Variants in EIF2AK4 observed in about 807,000 individuals in gnomAD.
EIF2AK4 encodes the protein eIF-2-alpha kinase GCN2.
In EIF2AK4, 139 loss-of-function variants were observed where a neutral mutation model predicts 211.1. The ratio of observed to expected loss-of-function variants is 0.66; its 90% CI spans 0.57 to 0.76. EIF2AK4 has a LOEUF of 0.76. EIF2AK4 is among the 30% of genes least tolerant of loss of function. The pLI, the probability that EIF2AK4 is intolerant of heterozygous loss-of-function variation, is 0.00. For missense variants in EIF2AK4, 1,664 were observed against 2,043.8 expected, an observed-to-expected ratio of 0.81 and a Z score of 3.58; for synonymous variants, 710 against 751.3, an observed-to-expected ratio of 0.94 and a Z score of 0.90.
intron 11 of EIF2AK4, chr15:39,974,967 C>G (rs995184619): frequency 6.6e-6 from 1 of 152,192 alleles, no homozygotes; most frequent in Non-Finnish European, 1.5e-5. Flanking sequence ...AAGCTTTACT[C>G]CCAACCCAGT....
At chr15:40,018,997 G>A (rs1595432858) in intron 29 of EIF2AK4, 96 bp from the exon 30 acceptor site, 2 of 865,346 alleles carry the variant, frequency 2.3e-6, no homozygotes, top group Non-Finnish European at 3.6e-6. Context: ...TTGATGATGA[G>A]CTGCTGACAG....
intron 18 of EIF2AK4, among the ~76,000 whole-genome samples, chr15:39,993,253 G>A (rs938969134): frequency 2.6e-5 from 4 of 152,072 alleles, no homozygotes; most frequent in Non-Finnish European, 5.9e-5. Context: ...TCCAAAGAAT[G>A]TGCAAACCAA....
intron 29 of EIF2AK4, among the ~76,000 whole-genome samples, chr15:40,017,551 A>G (rs11070244): frequency 0.77 from 67,558 of 87,878 alleles, 25,269 homozygotes; most frequent in Middle Eastern, 0.81. Flanking sequence ...ATATATATAT[A>G]TATGTATTTT....
Position 40,035,406 on chromosome 15 carries a change from G to T in EIF2AK4, c.*322G>T. The T allele has an allele frequency of 5.6e-6, 1 of 177,694 alleles. No individual in the cohort carries two copies. The highest frequency in any genetic ancestry group is 1.2e-5 in the Non-Finnish European group (1 of 86,134). 11.0% of individuals were successfully genotyped at this position (177,694 alleles called of 1,614,324 possible). On this transcript the variant is annotated 3_prime_UTR_variant, in exon 39 of 39. Transcript: ENST00000263791. ...ATCTGAGCCTCAGGAGGTTGAGGCTGCAGTGAGCTGTGACTGCGCCACTGC... is the reference window on the plus strand; with the variant it reads ...ATCTGAGCCTCAGGAGGTTGAGGCTTCAGTGAGCTGTGACTGCGCCACTGC...
chr15:39,998,269 T>G (rs12437712), intron 19 of EIF2AK4, among the ~76,000 whole-genome samples: 2,921 of 118,372 alleles, frequency 0.025, 50 homozygotes, highest in African/African-American at 0.035. Flanking sequence ...TTTTTTTTTT[T>G]GTTTTGTTTT....
At chr15:40,011,572 G>C (rs1480354671) in intron 27 of EIF2AK4, among the ~76,000 whole-genome samples, 1 of 152,122 alleles carries the variant, frequency 6.6e-6, no homozygotes, top group African/African-American at 2.4e-5. Flanking sequence ...TTCTTGATAC[G>C]CTGTAATCAT....
At chr15:40,007,963 A>G (rs1028296724) in intron 24 of EIF2AK4, 64 bp from the exon 25 acceptor site, 2 of 1,259,206 alleles carry the variant, frequency 1.6e-6, no homozygotes, top group African/African-American at 3.1e-5. Context: ...CTTGTTCAAC[A>G]ATTTCTTATA....
At chr15:40,017,504 TATATATATATATATATATATATATA>T (rs2035320948) in intron 29 of EIF2AK4, among the ~76,000 whole-genome samples, 4 of 81,070 alleles carry the variant, frequency 4.9e-5, no homozygotes, top group South Asian at 3.7e-4. Context: ...TCTGTTTCTA[TATATATATATATATATATATATATA>T]TATATATATA....
At chr15:39,941,569 TATA>T (rs2034145272) in intron 2 of EIF2AK4, among the ~76,000 whole-genome samples, 1 of 152,228 alleles carries the variant, frequency 6.6e-6, no homozygotes, top group African/African-American at 2.4e-5. Flanking sequence ...GTATAAGTGC[TATA>T]ATGTTATATA....
intron 22 of EIF2AK4, 34 bp from the exon 23 acceptor site, chr15:40,003,159 C>T (rs748158962): frequency 6.2e-7 from 1 of 1,610,340 alleles, no homozygotes; most frequent in Admixed American, 1.7e-5. Flanking sequence ...GAATGTGAAC[C>T]TGATGATGAG....
At chr15:40,005,775 A>G (rs1003829501) in intron 23 of EIF2AK4, among the ~76,000 whole-genome samples, 7 of 151,940 alleles carry the variant, frequency 4.6e-5, no homozygotes, top group Admixed American at 2.6e-4. Context: ...GTTTCACTGT[A>G]TTAGCAAGGA....
At position 39,967,758 on chromosome 15, in the gene EIF2AK4, A is replaced by C. The variant is rs539530164; in HGVS notation, c.1432A>C (p.Lys478Gln). The C allele has an allele frequency of 1.2e-6, 2 of 1,614,188 alleles. No individual in the cohort carries two copies. The highest frequency in any genetic ancestry group is 4.5e-5 in the East Asian group (2 of 44,888). The change falls in exon 9 of 39, where the codon AAA (lysine) becomes CAA (glutamine). Residue 478 changes from lysine to glutamine, a missense_variant. Transcript: ENST00000263791. ...DNALPYKTGKKGDVWRLGLLL... is the reference protein window; with the variant it reads ...DNALPYKTGKQGDVWRLGLLL... Reference sequence around the variant, plus strand: ...TGCTCTGCCTTATAAAACGGGGAAGAAAGGAGATGTTTGGCGTCTTGGCCT... The same window carrying C: ...TGCTCTGCCTTATAAAACGGGGAAGCAAGGAGATGTTTGGCGTCTTGGCCT...
intron 4 of EIF2AK4, among the ~76,000 whole-genome samples, chr15:39,953,516 G>T (rs539543467): frequency 2.6e-4 from 39 of 152,284 alleles, no homozygotes; most frequent in African/African-American, 7.9e-4. Context: ...AGCTGACCGG[G>T]ACCCCCATGG....
At chr15:39,957,463 C>G (rs997082184) in intron 6 of EIF2AK4, among the ~76,000 whole-genome samples, 1 of 152,120 alleles carries the variant, frequency 6.6e-6, no homozygotes, top group African/African-American at 2.4e-5. Context: ...GCTTGCTGAG[C>G]CCCTCCTTCT....
At chr15:39,935,738 C>G (rs1425769970) in intron 1 of EIF2AK4, among the ~76,000 whole-genome samples, 1 of 152,214 alleles carries the variant, frequency 6.6e-6, no homozygotes, top group Non-Finnish European at 1.5e-5. Context: ...AAAATATTCT[C>G]TCTCAAACTC....
chr15:40,023,902 T>G (rs1442617602), intron 32 of EIF2AK4, among the ~76,000 whole-genome samples: 1 of 152,216 alleles, frequency 6.6e-6, no homozygotes, highest in Non-Finnish European at 1.5e-5. Flanking sequence ...TGGACCAAAT[T>G]CAGCCCATAG....
At chr15:39,948,745 G>A (rs758897146) in intron 3 of EIF2AK4, among the ~76,000 whole-genome samples, 6 of 152,126 alleles carry the variant, frequency 3.9e-5, no homozygotes, top group Non-Finnish European at 8.8e-5. Flanking sequence ...TTTTCTAGTT[G>A]GGAAGATAGC....
chr15:39,992,206 A>C lies in EIF2AK4; in HGVS notation c.2663A>C (p.Asp888Ala). The change falls in exon 17 of 39, where the codon GAC (aspartate) becomes GCC (alanine). Residue 888 changes from aspartate to alanine, a missense_variant. This residue lies in a region of EIF2AK4 where 622 missense variants were observed against 796.8 expected (regional missense o/e 0.78). Transcript: ENST00000263791. Reference sequence around the variant, plus strand: ...AGCAAACAAGACGATCAGACAGGAGACTTGATTAAGTCAGACCCTTCAGGT... The same window carrying C: ...AGCAAACAAGACGATCAGACAGGAGCCTTGATTAAGTCAGACCCTTCAGGT... ...ADSKQDDQTG[D>A]LIKSDPSGHL... is the part of the protein sequence containing the mutation. 1.9e-6 allele frequency: 3 copies of C among 1,612,358 alleles called. No homozygotes were observed. Among genetic ancestry groups the C allele is most frequent in the Non-Finnish European group, 2.5e-6 (3 of 1,179,174 alleles).
At chr15:39,949,081 G>C (rs776430672) in intron 3 of EIF2AK4, 35 bp from the exon 4 acceptor site, 15 of 1,601,246 alleles carry the variant, frequency 9.4e-6, no homozygotes, top group Non-Finnish European at 1.3e-5. Context: ...CCCATTATTT[G>C]ATCATTTGTG....
Sources: gnomAD v4.1 joint callset for allele counts (sites outside exome capture counted in the v4.1 genomes callset) on GRCh38, gnomAD v4.1.1 for gene constraint, gnomAD v4.1.1 regional missense constraint, MANE v1.5 for transcripts, NCBI Gene and HGNC (gene_info 2026-07-23, HGNC 2026-07-21) for gene names.